Variants in CRYBG3 observed in about 807,000 individuals in gnomAD.
The protein encoded by CRYBG3 is very large A-kinase anchor protein.
Under a neutral mutation model 244.2 loss-of-function variants are expected in CRYBG3, and 127 were observed. The observed-to-expected ratio is 0.52, with a 90% CI of 0.45 to 0.60. The LOEUF (loss-of-function observed/expected upper bound fraction) is 0.60, where lower values mean the gene tolerates loss of function less well. Ranked by LOEUF, CRYBG3 falls within the 20% of genes least tolerant of loss-of-function variation. CRYBG3 has a pLI of 0.00. For missense variants in CRYBG3, 3,325 were observed against 3,442.5 expected (o/e 0.97, Z 0.85); for synonymous variants, 1,132 against 1,195.8 (o/e 0.95, Z 1.10).
At chr3:97,862,877 C>T (rs1383313695) in intron 2 of CRYBG3, among the ~76,000 whole-genome samples, 1 of 152,142 alleles carries the variant, frequency 6.6e-6, no homozygotes, top group Non-Finnish European at 1.5e-5. Flanking sequence ...CCCTTTGACA[C>T]CTGTGGGAAC....
intron 15 of CRYBG3, among the ~76,000 whole-genome samples, chr3:97,904,636 G>C (rs896929629): frequency 1.3e-5 from 2 of 151,166 alleles, no homozygotes; most frequent in African/African-American, 4.9e-5. Context: ...AAGACAACCT[G>C]TCTCTCTTCT....
intron 1 of CRYBG3, among the ~76,000 whole-genome samples, chr3:97,828,839 A>AT (rs1340233017): frequency 2.0e-5 from 3 of 151,658 alleles, no homozygotes; most frequent in Admixed American, 6.6e-5. Flanking sequence ...AAAAAAAAAA[A>AT]AAAAAATAAC....
intron 15 of CRYBG3, among the ~76,000 whole-genome samples, chr3:97,905,796 G>A (rs2039766295): frequency 1.4e-5 from 1 of 72,874 alleles, no homozygotes. Flanking sequence ...TGCTTTTGGT[G>A]TTTTAGACAT....
intron 2 of CRYBG3, among the ~76,000 whole-genome samples, chr3:97,862,298 C>A (rs1559722685): frequency 1.3e-5 from 2 of 151,988 alleles, no homozygotes; most frequent in Non-Finnish European, 1.5e-5. Flanking sequence ...TAATCTTGTT[C>A]ATTTTCTTCT....
At chr3:97,890,821 T>C (rs2039567699) in intron 10 of CRYBG3, among the ~76,000 whole-genome samples, 1 of 152,160 alleles carries the variant, frequency 6.6e-6, no homozygotes, top group Admixed American at 6.6e-5. Context: ...AGAATGTGGA[T>C]AAATGCTGTT....
Position 97,910,401 on chromosome 3 carries a change from CTCTGTGGGCG to C in CRYBG3, c.8005-1764_8005-1755del, listed in dbSNP as rs567273722. ...ACTGCTGTGCTAGCAATCAGCGAGACTCTGTGGGCGTAGGACCCTCCGAGCCAGGTGCAGG... is the reference window on the plus strand; with the variant it reads ...ACTGCTGTGCTAGCAATCAGCGAGACTAGGACCCTCCGAGCCAGGTGCAGG... On this transcript the variant is annotated intron_variant, in intron 15 of 21. Coordinates refer to ENST00000389622, the MANE Select transcript of CRYBG3 (RefSeq NM_153605.4). Among the ~76,000 whole-genome samples the C allele has an allele frequency of 6.1e-3, 935 of 152,330 alleles. 9 individuals carry two copies. Among genetic ancestry groups the C allele is most frequent in the African/African-American group, 0.017 (719 of 41,568 alleles).
In CRYBG3 at chr3:97,874,672, C is replaced by T. The variant is rs1020701896; in HGVS notation, c.3478C>T (p.Pro1160Ser). 3.8e-5 allele frequency: 58 copies of T among 1,535,804 alleles called. 1 individual carries two copies. The African/African-American group carries it at 7.4e-4, about 20-fold the overall frequency. Residue 1160 changes from proline to serine, a missense_variant, in exon 4 of 22, where the codon CCT becomes TCT. Physicochemically the swap from Pro to Ser is moderately conservative, Grantham distance 74 (BLOSUM62 -1). Transcript: ENST00000389622. ...VEAETGAVAG[P>S]AASVNSSGQQ... ...AGCAGAGACTGGAGCAGTTGCTGGG[C>T]CTGCAGCGTCAGTTAACAGCTCAGG... is the stretch of plus-strand genomic sequence containing the variant.
intron 7 of CRYBG3, among the ~76,000 whole-genome samples, chr3:97,886,105 A>T (rs931576452): frequency 9.2e-5 from 14 of 152,204 alleles, no homozygotes; most frequent in Non-Finnish European, 1.3e-4. Context: ...ATGGAGTCCT[A>T]CAGGGAGGAA....
intron 19 of CRYBG3, among the ~76,000 whole-genome samples, chr3:97,939,255 T>A (rs2040199816): frequency 1.3e-5 from 2 of 152,036 alleles, no homozygotes; most frequent in Admixed American, 1.3e-4. Flanking sequence ...TGATTCCTAT[T>A]CTGATTAAAC....
At position 97,871,854 on chromosome 3, in the gene CRYBG3, T is replaced by C; in HGVS notation, c.660T>C (p.Gly220=). The C allele has an allele frequency of 1.3e-6, 2 of 1,497,848 alleles. No individual in the cohort carries two copies. Among genetic ancestry groups the C allele is most frequent in the Non-Finnish European group, 1.8e-6 (2 of 1,133,722 alleles). 92.8% of individuals were successfully genotyped at this position (1,497,848 alleles called of 1,614,324 possible). ...TTTCTTTTTACAGACAAATCGATGG[T>C]AAACCAGAGAAGCCTTCAGTAACAT... The part of the protein sequence containing the change: ...ETTNLLKQID[G]KPEKPSVTYA... The change falls in exon 4 of 22, where the codon GGT becomes GGC. Residue 220 remains glycine, a synonymous_variant. Transcript: ENST00000389622.
In CRYBG3 at chr3:97,843,166, C is replaced by T. The variant is rs1195583002; in HGVS notation, c.150-29C>T. 2.1e-6 allele frequency: 3 copies of T among 1,420,578 alleles called. No individual in the cohort carries two copies. In the South Asian group the frequency reaches 4.1e-5, roughly 19 times the overall value. 88.0% of individuals were successfully genotyped at this position (1,420,578 alleles called of 1,614,324 possible). On this transcript the variant is annotated intron_variant, in intron 1 of 21. Transcript: ENST00000389622. ...TAGTTTCGTAATTTTCTTTTAATTT[C>T]AAAAGAAACTGTGGTTTTTATTTTT...
intron 15 of CRYBG3, among the ~76,000 whole-genome samples, chr3:97,904,188 T>G (rs1319301632): frequency 3.9e-5 from 6 of 152,170 alleles, no homozygotes; most frequent in Non-Finnish European, 8.8e-5. Context: ...GGTTTCTCTA[T>G]GGACAATCCT....
intron 4 of CRYBG3, among the ~76,000 whole-genome samples, chr3:97,878,544 ATTGC>A (rs1411164066): frequency 1.3e-5 from 2 of 152,234 alleles, no homozygotes. Flanking sequence ...AGAAAAAAAA[ATTGC>A]TTGGTCAGAA....
At chr3:97,844,721 A>T (rs973875811) in intron 2 of CRYBG3, among the ~76,000 whole-genome samples, 9 of 152,194 alleles carry the variant, frequency 5.9e-5, no homozygotes, top group African/African-American at 2.2e-4. Context: ...CCACCTGCAG[A>T]GGCTCTGAAA....
chr3:97,846,354 G>A (rs2038900711), intron 2 of CRYBG3, among the ~76,000 whole-genome samples: 1 of 152,004 alleles, frequency 6.6e-6, no homozygotes, highest in Admixed American at 6.6e-5. Flanking sequence ...GTTCTCCTCA[G>A]TGTCAGTCCT....
intron 1 of CRYBG3, 79 bp downstream of exon 1, chr3:97,822,434 CG>C: frequency 7.6e-7 from 1 of 1,317,662 alleles, no homozygotes; most frequent in Non-Finnish European, 9.9e-7. Context: ...CCGCCGGCAG[CG>C]GGCCGCTCTT....
intron 7 of CRYBG3, among the ~76,000 whole-genome samples, chr3:97,885,071 T>G (rs547421766): frequency 4.6e-5 from 7 of 152,304 alleles, no homozygotes; most frequent in Middle Eastern, 3.4e-3. Flanking sequence ...CTATTATTAA[T>G]AGCATACAAA....
chr3:97,828,669 T>C (rs185207931), intron 1 of CRYBG3, among the ~76,000 whole-genome samples: 3 of 150,610 alleles, frequency 2.0e-5, no homozygotes, highest in African/African-American at 7.3e-5. Flanking sequence ...TCTACTAAAA[T>C]ACAAAAAAAA....
At chr3:97,829,325 C>T (rs2038622673) in intron 1 of CRYBG3, among the ~76,000 whole-genome samples, 1 of 152,286 alleles carries the variant, frequency 6.6e-6, no homozygotes, top group Middle Eastern at 3.4e-3. Context: ...TATTATTAAT[C>T]TCTAATGTGA....
Sources: gnomAD v4.1 joint callset for allele counts (sites outside exome capture counted in the v4.1 genomes callset) on GRCh38, gnomAD v4.1.1 for gene constraint, MANE v1.5 for transcripts, NCBI Gene and HGNC (gene_info 2026-07-23, HGNC 2026-07-21) for gene names.